Variants in TGFA observed in about 807,000 individuals in gnomAD.
The protein encoded by TGFA is transforming growth factor alpha.
TGFA carries 12 observed loss-of-function variants against 21.7 expected under a neutral mutation model. The observed-to-expected ratio is 0.55, with a 90% CI of 0.35 to 0.90. The LOEUF (loss-of-function observed/expected upper bound fraction) is 0.90. TGFA is among the 40% of genes least tolerant of loss of function. The pLI is 0.01. For synonymous variants in TGFA, 79 were observed against 88.1 expected, an observed-to-expected ratio of 0.90 and a Z score of 0.58; for missense variants, 178 against 210.8, an observed-to-expected ratio of 0.84 and a Z score of 0.96.
At chr2:70,467,881 C>T (rs1440247665) in intron 2 of TGFA, among the ~76,000 whole-genome samples, 1 of 152,182 alleles carries the variant, frequency 6.6e-6, no homozygotes, top group African/African-American at 2.4e-5. Flanking sequence ...TTGAAGGAGA[C>T]ACATTGTGTA....
At chr2:70,537,170 G>T (rs2103921223) in intron 1 of TGFA, among the ~76,000 whole-genome samples, 1 of 151,994 alleles carries the variant, frequency 6.6e-6, no homozygotes, top group Middle Eastern at 3.4e-3. Flanking sequence ...TTGTTTCGGG[G>T]TGCCATGAAC....
At chr2:70,548,298 G>C (rs1474792962) in intron 1 of TGFA, among the ~76,000 whole-genome samples, 1 of 152,150 alleles carries the variant, frequency 6.6e-6, no homozygotes, top group African/African-American at 2.4e-5. Flanking sequence ...CAAACACAGA[G>C]GTGAGGAGGA....
chr2:70,487,854 G>A (rs1261350060), intron 2 of TGFA, among the ~76,000 whole-genome samples: 4 of 152,148 alleles, frequency 2.6e-5, no homozygotes, highest in Non-Finnish European at 5.9e-5. Context: ...AGTAGAATTA[G>A]TGTGGCAAAG....
At chr2:70,502,091 C>A (rs753911780) in intron 2 of TGFA, among the ~76,000 whole-genome samples, 3 of 152,214 alleles carry the variant, frequency 2.0e-5, no homozygotes, top group Non-Finnish European at 4.4e-5. Context: ...AGCCTTTCCA[C>A]ACAGCAGCCC....
At chr2:70,467,212 T>TA (rs1191755782) in intron 2 of TGFA, among the ~76,000 whole-genome samples, 8 of 151,904 alleles carry the variant, frequency 5.3e-5, no homozygotes, top group African/African-American at 1.2e-4. Flanking sequence ...TAAATAATTT[T>TA]AAAAAAAAGA....
chr2:70,457,769 T>G (rs1360630322), intron 3 of TGFA, among the ~76,000 whole-genome samples: 1 of 152,168 alleles, frequency 6.6e-6, no homozygotes, highest in African/African-American at 2.4e-5. Flanking sequence ...CTCGAGCTCT[T>G]GACCTCAGGT....
chr2:70,548,996 A>G (rs1673400711), intron 1 of TGFA, among the ~76,000 whole-genome samples: 1 of 152,202 alleles, frequency 6.6e-6, no homozygotes, highest in African/African-American at 2.4e-5. Flanking sequence ...ATCTTCCTCT[A>G]TCTAAGTGCA....
intron 2 of TGFA, among the ~76,000 whole-genome samples, chr2:70,507,690 T>C (rs563942873): frequency 4.5e-4 from 68 of 152,376 alleles, no homozygotes; most frequent in Middle Eastern, 6.8e-3. Flanking sequence ...GGAATTCGGT[T>C]CGCTATTAAT....
chr2:70,494,642 T>G (rs2103795391), intron 2 of TGFA, among the ~76,000 whole-genome samples: 1 of 152,360 alleles, frequency 6.6e-6, no homozygotes, highest in East Asian at 1.9e-4. Flanking sequence ...CGACCTTATC[T>G]GCTTTGTACG....
intron 5 of TGFA, 132 bp downstream of exon 5, chr2:70,453,086 G>T: frequency 2.5e-6 from 2 of 797,170 alleles, no homozygotes; most frequent in Non-Finnish European, 4.0e-6. Flanking sequence ...AACCTGACTT[G>T]GTAGAATGAA....
chr2:70,480,197 A>G (rs1447924076), intron 2 of TGFA, among the ~76,000 whole-genome samples: 1 of 152,230 alleles, frequency 6.6e-6, no homozygotes, highest in Non-Finnish European at 1.5e-5. Context: ...CCAGACATTC[A>G]TGCCATGCCA....
intron 1 of TGFA, among the ~76,000 whole-genome samples, chr2:70,533,236 C>T (rs191858013): frequency 1.8e-3 from 276 of 152,252 alleles, no homozygotes; most frequent in African/African-American, 6.4e-3. Flanking sequence ...GTTTGGACTC[C>T]TTGTGTTCTG....
intron 2 of TGFA, among the ~76,000 whole-genome samples, chr2:70,488,359 C>T (rs1671328914): frequency 6.6e-6 from 1 of 152,094 alleles, no homozygotes. Context: ...AATTCTAAAC[C>T]ATCTATATTT....
intron 2 of TGFA, among the ~76,000 whole-genome samples, chr2:70,500,784 G>A (rs1463383721): frequency 6.6e-6 from 1 of 152,180 alleles, no homozygotes; most frequent in Admixed American, 6.5e-5. Flanking sequence ...CTTTATACAG[G>A]AACTCCTTGT....
chr2:70,510,165 T>C (rs112367872), intron 2 of TGFA, among the ~76,000 whole-genome samples: 1 of 152,222 alleles, frequency 6.6e-6, no homozygotes, highest in African/African-American at 2.4e-5. Context: ...CGGGTTCCCA[T>C]GCTGTCTTTT....
At chr2:70,476,109 T>TAAA (rs1670926055) in intron 2 of TGFA, among the ~76,000 whole-genome samples, 5 of 78,520 alleles carry the variant, frequency 6.4e-5, no homozygotes, top group African/African-American at 2.0e-4. Flanking sequence ...AAAAAAAAAT[T>TAAA]AAGAAAATTA....
chr2:70,458,314 C>G (rs1670302944), intron 3 of TGFA, among the ~76,000 whole-genome samples: 1 of 152,012 alleles, frequency 6.6e-6, no homozygotes, highest in African/African-American at 2.4e-5. Context: ...GCAAAGGGTC[C>G]CTCCCTCTAG....
At chr2:70,503,125 G>A (rs1170012) in intron 2 of TGFA, among the ~76,000 whole-genome samples, 5 of 152,080 alleles carry the variant, frequency 3.3e-5, no homozygotes, top group Admixed American at 6.5e-5. Flanking sequence ...ACATGCACAC[G>A]TATGTTTATT....
intron 2 of TGFA, among the ~76,000 whole-genome samples, chr2:70,508,118 T>C (rs1671984042): frequency 6.6e-6 from 1 of 152,208 alleles, no homozygotes. Context: ...GAAGACGAAC[T>C]GCTGCTAAGT....
Sources: gnomAD v4.1 joint callset for allele counts (sites outside exome capture counted in the v4.1 genomes callset) on GRCh38, gnomAD v4.1.1 for gene constraint, MANE v1.5 for transcripts, NCBI Gene and HGNC (gene_info 2026-07-23, HGNC 2026-07-21) for gene names.